Variants in PMVK observed in about 807,000 individuals in gnomAD.
PMVK encodes the protein phosphomevalonate kinase, also known as testis tissue sperm-binding protein Li 95mP.
Under a neutral mutation model 19.0 loss-of-function variants are expected in PMVK, and 10 were observed. The ratio of observed to expected loss-of-function variants is 0.53; its 90% CI spans 0.32 to 0.89. The LOEUF is 0.89. Ranked by LOEUF, PMVK falls within the 40% of genes least tolerant of loss-of-function variation. The probability of loss-of-function intolerance (pLI) is 0.03; values close to 1 mark genes in which losing one functional copy is unlikely to be tolerated. For missense variants in PMVK, 222 were observed against 251.1 expected (o/e 0.88, Z 0.78); for synonymous variants, 108 against 101.6 (o/e 1.06, Z -0.38).
chr1:154,925,350 G>C, intron 4 of PMVK, 85 bp from the exon 5 acceptor site: 1 of 1,426,082 alleles, frequency 7.0e-7, no homozygotes, highest in Non-Finnish European at 9.9e-7. Flanking sequence ...ACTGGAGTGG[G>C]CCCTCCCGGC....
At chr1:154,937,758 A>C (rs887183141), upstream of PMVK, 10 of 152,224 alleles carry the variant, frequency 6.6e-5, no homozygotes, top group Admixed American at 6.5e-4. Flanking sequence ...AGAAACCATT[A>C]ATTTCCTGAA....
In PMVK at chr1:154,924,956, A is replaced by G; in HGVS notation, c.*173T>C. The G allele has an allele frequency of 3.0e-6, 2 of 670,846 alleles. No individual in the cohort carries two copies. Among genetic ancestry groups the G allele is most frequent in the South Asian group, 3.6e-5 (2 of 55,190 alleles). The allele number at this position is 670,846 out of a possible 1,614,324, so 41.6% of individuals were successfully genotyped here. On this transcript the variant is annotated 3_prime_UTR_variant, in exon 5 of 5. Coordinates refer to ENST00000368467, the MANE Select transcript of PMVK (RefSeq NM_006556.4). ...GAGCATGGCTGTCTTCCCCATGGAGAAAATGAGGTCTCCAGAGGTTTCCTG... is the reference window on the plus strand; with the variant it reads ...GAGCATGGCTGTCTTCCCCATGGAGGAAATGAGGTCTCCAGAGGTTTCCTG...
rs1553246145 is a variant in PMVK, at chr1:154,926,498, C to T, written c.313-15G>A. 6.2e-7 allele frequency: 1 copy of T among 1,612,146 alleles called. No homozygotes were observed. The highest frequency in any genetic ancestry group is 8.5e-7 in the Non-Finnish European group (1 of 1,178,980). ...TCACTCACCAGCTGCAGGAGAGGGACAGACAGGTGACCAACAGGACAGGAT... is the reference window on the plus strand; with the variant it reads ...TCACTCACCAGCTGCAGGAGAGGGATAGACAGGTGACCAACAGGACAGGAT... On this transcript the variant is annotated splice_polypyrimidine_tract_variant and intron_variant, in intron 3 of 4. Transcript: ENST00000368467.
intron 1 of PMVK, 95 bp downstream of exon 1, chr1:154,936,496 C>A: frequency 6.6e-7 from 1 of 1,519,772 alleles, no homozygotes; most frequent in Non-Finnish European, 8.9e-7. Context: ...ACGGACGACC[C>A]GTACTCCAAA....
intron 2 of PMVK, among the ~76,000 whole-genome samples, chr1:154,931,329 C>A (rs1487316613): frequency 6.6e-6 from 1 of 152,086 alleles, no homozygotes; most frequent in Non-Finnish European, 1.5e-5. Flanking sequence ...CAAAATGTGG[C>A]GACAAGAGGG....
In PMVK at chr1:154,929,222, G is replaced by A. The variant is rs985176018; in HGVS notation, c.160-46C>T. 1.9e-6 allele frequency: 3 copies of A among 1,597,448 alleles called. No individual in the cohort carries two copies. The African/African-American group carries it at 4.0e-5, about 21-fold the overall frequency. On this transcript the variant is annotated intron_variant, in intron 2 of 4. Transcript: ENST00000368467. ...CTACGTCACCGGCCTTTCAACCTCAGTGGTCTCTCCTAAAACAGCGGAAGA... is the reference window on the plus strand; with the variant it reads ...CTACGTCACCGGCCTTTCAACCTCAATGGTCTCTCCTAAAACAGCGGAAGA...
chr1:154,926,093 G>T (rs1282327956), intron 4 of PMVK, among the ~76,000 whole-genome samples: 1 of 152,172 alleles, frequency 6.6e-6, no homozygotes, highest in Non-Finnish European at 1.5e-5. Context: ...GCCCCTACTG[G>T]GCTGGAAAGC....
At chr1:154,926,779 G>T (rs539308984) in intron 3 of PMVK, among the ~76,000 whole-genome samples, 1 of 152,276 alleles carries the variant, frequency 6.6e-6, no homozygotes, top group Admixed American at 6.5e-5. Flanking sequence ...GGCTAGACTG[G>T]TAAGCAAAAC....
At chr1:154,932,215 C>A in intron 2 of PMVK, 137 bp downstream of exon 2, 1 of 705,438 alleles carries the variant, frequency 1.4e-6, no homozygotes, top group Non-Finnish European at 2.6e-6. Flanking sequence ...GGTCCACTCA[C>A]AGAAAACCAA....
chr1:154,935,479 GTAT>G (rs1429949513), intron 1 of PMVK, among the ~76,000 whole-genome samples: 8 of 152,126 alleles, frequency 5.3e-5, no homozygotes, highest in African/African-American at 1.7e-4. Flanking sequence ...TGTGCAAAAG[GTAT>G]TATTATTTGG....
chr1:154,928,048 C>T (rs751760825), intron 3 of PMVK, among the ~76,000 whole-genome samples: 4 of 152,086 alleles, frequency 2.6e-5, no homozygotes, highest in African/African-American at 4.8e-5. Context: ...CAACATGCAA[C>T]CACACCTGGC....
chr1:154,934,994 A>G lies in PMVK; in HGVS notation c.95+1597T>C, dbSNP rs552892292. Among the ~76,000 whole-genome samples, 459 of 146,240 alleles carry G rather than the reference A, an allele frequency of 3.1e-3. 2 individuals are homozygous for G. Among genetic ancestry groups the G allele is most frequent in the African/African-American group, 0.011 (446 of 40,186 alleles). On this transcript the variant is annotated intron_variant, in intron 1 of 4. Transcript: ENST00000368467. ...GGAAAATCGCTTGAACCCAGGAGAC[A>G]GAGGTTGCGGTGAGCCGCAACCTGG...
intron 1 of PMVK, 49 bp from the exon 2 acceptor site, chr1:154,932,464 C>T (rs1654367890): frequency 7.3e-7 from 1 of 1,360,604 alleles, no homozygotes; most frequent in Non-Finnish European, 1.0e-6. Context: ...TTTCCAGGAG[C>T]TTCCATGTCC....
At chr1:154,936,368 G>A in intron 1 of PMVK, 1 of 983,756 alleles carries the variant, frequency 1.0e-6, no homozygotes, top group Non-Finnish European at 1.2e-6. Context: ...GAGACCTGCA[G>A]CTGAAGGTCT....
intron 2 of PMVK, among the ~76,000 whole-genome samples, chr1:154,931,693 C>A (rs1055891502): frequency 1.1e-4 from 16 of 151,280 alleles, no homozygotes; most frequent in Non-Finnish European, 2.1e-4. Flanking sequence ...TTTTACAATT[C>A]TTGGTCACAA....
At position 154,932,324 on chromosome 1, in the gene PMVK, A is replaced by G. The variant is rs769404115; in HGVS notation, c.159+28T>C. On this transcript the variant is annotated intron_variant, in intron 2 of 4. Transcript: ENST00000368467. Reference sequence around the variant, plus strand: ...AGTCCTGGAGCCGGCCCCGCCCAACACACCGGATGCCACAAAGCACCACCT... The same window carrying G: ...AGTCCTGGAGCCGGCCCCGCCCAACGCACCGGATGCCACAAAGCACCACCT... 7.0e-6 allele frequency: 11 copies of G among 1,581,450 alleles called. No individual in the cohort carries two copies. The East Asian group carries it at 2.5e-4, about 35-fold the overall frequency.
intron 3 of PMVK, among the ~76,000 whole-genome samples, chr1:154,926,732 G>A (rs2101965955): frequency 6.6e-6 from 1 of 152,320 alleles, no homozygotes; most frequent in Non-Finnish European, 1.5e-5. Flanking sequence ...ATTATAGTAA[G>A]TACCTACTGT....
chr1:154,930,368 T>C (rs1288745115), intron 2 of PMVK, among the ~76,000 whole-genome samples: 3 of 152,188 alleles, frequency 2.0e-5, no homozygotes, highest in African/African-American at 7.2e-5. Flanking sequence ...GCTAAGGCAG[T>C]AGAACTGCTT....
intron 1 of PMVK, among the ~76,000 whole-genome samples, chr1:154,933,610 C>T (rs902021230): frequency 2.0e-5 from 3 of 148,106 alleles, no homozygotes; most frequent in East Asian, 2.1e-4. Context: ...TCTCCTGCCT[C>T]GGCCTCCCAA....
Sources: allele counts gnomAD v4.1 joint callset (sites outside exome capture counted in the v4.1 genomes callset), GRCh38; gene constraint gnomAD v4.1.1; transcripts MANE v1.5; gene names NCBI Gene and HGNC (gene_info 2026-07-23, HGNC 2026-07-21).